The following IL19 variants were observed in gnomAD, a reference collection of about 807,000 sequenced individuals.
The protein encoded by IL19 is interleukin 19.
Under a neutral mutation model 19.5 loss-of-function variants are expected in IL19, and 15 were observed. That is an observed-to-expected ratio of 0.77 (90% CI 0.52 to 1.19). The LOEUF is 1.19. IL19 is among the 50% of genes most tolerant of loss of function. The pLI is 0.00. For synonymous variants in IL19, 78 were observed against 78.3 expected (o/e 1.00, Z 0.02); for missense variants, 199 against 213.1 (o/e 0.93, Z 0.41).
At chr1:206,797,615 A>G (rs1420340799) in intron 1 of IL19, among the ~76,000 whole-genome samples, 1 of 152,190 alleles carries the variant, frequency 6.6e-6, no homozygotes, top group African/African-American at 2.4e-5. Flanking sequence ...TAAATGGAAA[A>G]ATCATTTTCC....
chr1:206,794,673 C>A (rs1467058769), intron 1 of IL19, among the ~76,000 whole-genome samples: 1 of 152,104 alleles, frequency 6.6e-6, no homozygotes, highest in Non-Finnish European at 1.5e-5. Context: ...GCAATAGGTT[C>A]TTTAGAAGAG....
intron 2 of IL19, among the ~76,000 whole-genome samples, chr1:206,822,965 T>C (rs977616354): frequency 6.6e-6 from 1 of 152,088 alleles, no homozygotes; most frequent in Non-Finnish European, 1.5e-5. Flanking sequence ...AGTCTCACTC[T>C]GTTGCCTGGG....
chr1:206,815,472 A>G (rs910654256), intron 2 of IL19, among the ~76,000 whole-genome samples: 1 of 152,210 alleles, frequency 6.6e-6, no homozygotes, highest in Non-Finnish European at 1.5e-5. Context: ...CTGCTAAATA[A>G]AGTGTATGTA....
At chr1:206,781,641 C>T (rs997095867) in intron 1 of IL19, among the ~76,000 whole-genome samples, 1 of 150,810 alleles carries the variant, frequency 6.6e-6, no homozygotes, top group South Asian at 2.1e-4. Flanking sequence ...TGGATTCATG[C>T]TACTTCCACT....
intron 1 of IL19, among the ~76,000 whole-genome samples, chr1:206,785,266 A>G (rs1675243051): frequency 6.6e-6 from 1 of 152,212 alleles, no homozygotes; most frequent in South Asian, 2.1e-4. Context: ...AAACATATAT[A>G]TAATGCAAAA....
At chr1:206,803,556 T>A (rs17642953) in intron 2 of IL19, among the ~76,000 whole-genome samples, 6,308 of 152,174 alleles carry the variant, frequency 0.041, 170 homozygotes, top group Middle Eastern at 0.065. Flanking sequence ...TGTGCTGCGA[T>A]AAAGAGGCCC....
intron 2 of IL19, among the ~76,000 whole-genome samples, chr1:206,824,170 G>C (rs534926447): frequency 5.9e-5 from 9 of 152,322 alleles, no homozygotes; most frequent in African/African-American, 1.9e-4. Context: ...TTGCCCCAGG[G>C]GGAAGGCAGG....
intron 1 of IL19, among the ~76,000 whole-genome samples, chr1:206,781,464 G>C (rs1053030503): frequency 6.8e-6 from 1 of 147,332 alleles, no homozygotes; most frequent in African/African-American, 2.5e-5. Flanking sequence ...AAAAGAGAGA[G>C]AGGAGGAAGT....
chr1:206,798,214 G>T (rs1314447441), intron 1 of IL19, among the ~76,000 whole-genome samples: 1 of 152,064 alleles, frequency 6.6e-6, no homozygotes, highest in Non-Finnish European at 1.5e-5. Context: ...TCATAGGTGC[G>T]ATCATAGTGC....
At chr1:206,829,916 T>A (rs1260545424) in intron 2 of IL19, among the ~76,000 whole-genome samples, 1 of 152,330 alleles carries the variant, frequency 6.6e-6, no homozygotes, top group South Asian at 2.1e-4. Context: ...TGAAGTGGCA[T>A]AGGTGCCCAA....
At chr1:206,771,521 T>G (rs1674841918) in intron 1 of IL19, 2 of 920,178 alleles carry the variant, frequency 2.2e-6, no homozygotes, top group Admixed American at 4.0e-5. Context: ...TAAATAAAAT[T>G]GGCTCTGGCC....
intron 1 of IL19, 55 bp downstream of exon 1, chr1:206,771,133 A>G (rs1463605856): frequency 6.6e-7 from 1 of 1,511,936 alleles, no homozygotes; most frequent in Admixed American, 1.7e-5. Flanking sequence ...CAACTAGCTT[A>G]AGAGGACAGC....
At chr1:206,813,393 C>A (rs1342980934) in intron 2 of IL19, among the ~76,000 whole-genome samples, 1 of 152,130 alleles carries the variant, frequency 6.6e-6, no homozygotes, top group African/African-American at 2.4e-5. Context: ...GTAGCAGCAG[C>A]TAAATCTAGT....
intron 2 of IL19, among the ~76,000 whole-genome samples, chr1:206,825,399 T>C (rs1176148202): frequency 6.6e-6 from 1 of 152,236 alleles, no homozygotes; most frequent in Non-Finnish European, 1.5e-5. Context: ...AATTTTTCTT[T>C]CTCCTGGCTT....
At chr1:206,801,305 C>A (rs1675676274) in intron 2 of IL19, among the ~76,000 whole-genome samples, 1 of 152,200 alleles carries the variant, frequency 6.6e-6, no homozygotes, top group South Asian at 2.1e-4. Context: ...TGCTCCTGCT[C>A]TGGAATGTTC....
intron 1 of IL19, chr1:206,772,325 C>T: frequency 6.2e-7 from 1 of 1,614,188 alleles, no homozygotes; most frequent in Non-Finnish European, 8.5e-7. Flanking sequence ...GCATGTTAGG[C>T]AGGTTGCCTG....
At chr1:206,834,426 G>C in intron 2 of IL19, 1 of 985,632 alleles carries the variant, frequency 1.0e-6, no homozygotes, top group Non-Finnish European at 1.2e-6. Context: ...TCCGTCATCA[G>C]GGGCTCCTAT....
intron 2 of IL19, among the ~76,000 whole-genome samples, chr1:206,830,238 A>G (rs6660537): frequency 0.89 from 134,759 of 151,712 alleles, 59,957 homozygotes; most frequent in South Asian, 0.92. Context: ...TTTCTTCATC[A>G]CTGTAATGTG....
chr1:206,832,308 C>T (rs1676633057), intron 2 of IL19, among the ~76,000 whole-genome samples: 1 of 152,226 alleles, frequency 6.6e-6, no homozygotes, highest in Non-Finnish European at 1.5e-5. Context: ...CAAATCCTCA[C>T]AGTTTTATTT....
Sources: allele counts gnomAD v4.1 joint callset (sites outside exome capture counted in the v4.1 genomes callset), GRCh38; gene constraint gnomAD v4.1.1; transcripts MANE v1.5; gene names NCBI Gene and HGNC (gene_info 2026-07-23, HGNC 2026-07-21).